IFT74: variants seen among roughly 807,000 people sequenced by gnomAD.
IFT74 encodes the protein intraflagellar transport protein 74 homolog.
IFT74 carries 92 observed loss-of-function variants against 96.7 expected under a neutral mutation model. That is an observed-to-expected ratio of 0.95 (90% confidence interval 0.80 to 1.13). The LOEUF (loss-of-function observed/expected upper bound fraction) is 1.13, where lower values mean the gene tolerates loss of function less well. IFT74 is among the 50% of genes most tolerant of loss of function. The pLI is 0.00. For synonymous variants in IFT74, 223 were observed against 213.2 expected (o/e 1.05, Z -0.40); for missense variants, 811 against 698.2 (o/e 1.16, Z -1.82).
rs1293730357 is a variant in IFT74 at position 27,065,226 on chromosome 9, A to G, written c.*2490A>G. Among the ~76,000 whole-genome samples, 1 of 152,170 alleles carries G rather than the reference A, an allele frequency of 6.6e-6. No homozygotes were observed. The highest frequency in any genetic ancestry group is 1.9e-4 in the East Asian group (1 of 5,196). On this transcript the variant is annotated 3_prime_UTR_variant, in exon 20 of 20. Transcript: ENST00000380062. The stretch of plus-strand genomic sequence containing the variant: ...TAATTGAGCAGGATTTCTTTAAATT[A>G]AAACATGTTTTATCTGAGGGAAATT...
intron 14 of IFT74, among the ~76,000 whole-genome samples, chr9:27,045,629 A>G (rs1034613446): frequency 2.0e-5 from 3 of 152,168 alleles, no homozygotes; most frequent in Admixed American, 2.0e-4. Flanking sequence ...CTATACATTT[A>G]TAATTTTTTT....
intron 12 of IFT74, among the ~76,000 whole-genome samples, chr9:27,025,495 A>C (rs55957927): frequency 0.029 from 4,427 of 151,764 alleles, 222 homozygotes; most frequent in African/African-American, 0.1. Flanking sequence ...AAAGATTACA[A>C]CTGGGAAATG....
At chr9:27,049,436 C>T (rs1472099471) in intron 16 of IFT74, among the ~76,000 whole-genome samples, 1 of 152,064 alleles carries the variant, frequency 6.6e-6, no homozygotes, top group Admixed American at 6.6e-5. Flanking sequence ...ATAGGGTCAT[C>T]CCAGGGATGC....
At chr9:26,997,803 A>T in intron 8 of IFT74, 1 of 1,614,122 alleles carries the variant, frequency 6.2e-7, no homozygotes, top group Non-Finnish European at 8.5e-7. Context: ...AGGTTTCCAT[A>T]TAAAGTTATT....
intron 13 of IFT74, among the ~76,000 whole-genome samples, chr9:27,042,741 T>G (rs1445091313): frequency 6.6e-6 from 1 of 152,178 alleles, no homozygotes; most frequent in Non-Finnish European, 1.5e-5. Context: ...AGAGTGGAAC[T>G]TAAATAGCCA....
intron 8 of IFT74, chr9:26,995,284 G>C (rs1390181780): frequency 1.1e-5 from 4 of 378,626 alleles, no homozygotes; most frequent in African/African-American, 8.0e-5. Context: ...GCACTGCTAA[G>C]AATAGTAGTG....
intron 2 of IFT74, among the ~76,000 whole-genome samples, chr9:26,976,296 G>T (rs116569620): frequency 1.3e-5 from 2 of 152,172 alleles, no homozygotes; most frequent in African/African-American, 4.8e-5. Context: ...GCTTGAAGTC[G>T]TAAAGAAAGA....
At chr9:26,951,263 TG>T (rs1344862570) in intron 1 of IFT74, among the ~76,000 whole-genome samples, 1 of 152,202 alleles carries the variant, frequency 6.6e-6, no homozygotes, top group Non-Finnish European at 1.5e-5. Flanking sequence ...GGAATGAAGT[TG>T]GGGTCAATAT....
chr9:27,024,728 A>C (rs1563983334), intron 12 of IFT74, among the ~76,000 whole-genome samples: 2 of 152,194 alleles, frequency 1.3e-5, no homozygotes, highest in African/African-American at 4.8e-5. Context: ...AGGAGCCAGC[A>C]GAGAAAGGTG....
intron 9 of IFT74, among the ~76,000 whole-genome samples, chr9:27,010,112 C>G (rs1314437682): frequency 1.3e-5 from 2 of 151,526 alleles, no homozygotes; most frequent in Non-Finnish European, 2.9e-5. Context: ...CTCAGCCTCC[C>G]AAGTAGTTGG....
chr9:27,057,564 A>C (rs1045048618), intron 18 of IFT74, among the ~76,000 whole-genome samples: 1 of 152,220 alleles, frequency 6.6e-6, no homozygotes, highest in Admixed American at 6.5e-5. Flanking sequence ...TGCATTAAAA[A>C]TTCCCTCTTT....
intron 13 of IFT74, among the ~76,000 whole-genome samples, chr9:27,033,890 T>A (rs139639093): frequency 2.0e-3 from 304 of 152,330 alleles, no homozygotes; most frequent in African/African-American, 7.1e-3. Flanking sequence ...GTGAAGGTGG[T>A]TCCTTACCAA....
chr9:26,951,633 T>C (rs1825938348), upstream of IFT74, among the ~76,000 whole-genome samples: 2 of 152,182 alleles, frequency 1.3e-5, no homozygotes, highest in Admixed American at 1.3e-4. Flanking sequence ...GCGCAATGGC[T>C]CACGCCTGTA....
chr9:27,056,408 A>G lies in IFT74; in HGVS notation c.1572A>G (p.Ile524Met). 3 of 1,603,340 alleles carry G rather than the reference A, an allele frequency of 1.9e-6. No individual in the cohort carries two copies. Among genetic ancestry groups the G allele is most frequent in the Non-Finnish European group, 1.7e-6 (2 of 1,174,456 alleles). The change falls in exon 18 of 20, where the codon ATA becomes ATG. Residue 524 changes from isoleucine (I) to methionine (M), a missense_variant. Transcript: ENST00000380062. ...AFKKIMEKQNIEYEALKTQLQ... is the reference protein window; with the variant it reads ...AFKKIMEKQNMEYEALKTQLQ... ...AGAAAATAATGGAGAAGCAAAACAT[A>G]GAGTATGAGGCACTAAAAACACAAT...
At chr9:27,052,762 C>G (rs1351731015) in intron 16 of IFT74, among the ~76,000 whole-genome samples, 2 of 152,152 alleles carry the variant, frequency 1.3e-5, no homozygotes, top group Non-Finnish European at 2.9e-5. Context: ...ACACCATCCC[C>G]CACCTCAAGA....
intron 1 of IFT74, among the ~76,000 whole-genome samples, chr9:26,948,448 A>ATTATTATTTTTTTTTTTTT (rs1825819541): frequency 1.9e-4 from 11 of 59,162 alleles, no homozygotes; most frequent in East Asian, 5.9e-4. Flanking sequence ...GCTTTCCATT[A>ATTATTATTTTTTTTTTTTT]TTTTTTTTTT....
intron 10 of IFT74, among the ~76,000 whole-genome samples, chr9:27,016,474 C>T (rs1829348524): frequency 6.6e-6 from 1 of 152,136 alleles, no homozygotes; most frequent in Non-Finnish European, 1.5e-5. Context: ...TGAGCAGACA[C>T]AATTCAACCC....
upstream of IFT74, among the ~76,000 whole-genome samples, chr9:26,953,198 C>T (rs768617743): frequency 4.6e-5 from 7 of 152,076 alleles, no homozygotes; most frequent in Non-Finnish European, 8.8e-5. Context: ...TTTTTTCCCC[C>T]TTCATCAAAT....
chr9:26,981,484 G>A (rs748145319), intron 4 of IFT74, among the ~76,000 whole-genome samples: 1 of 150,722 alleles, frequency 6.6e-6, no homozygotes, highest in African/African-American at 2.4e-5. Flanking sequence ...GCATGATCTC[G>A]GTTGACTGCA....
Sources: allele counts gnomAD v4.1 joint callset (sites outside exome capture counted in the v4.1 genomes callset), GRCh38; gene constraint gnomAD v4.1.1; transcripts MANE v1.5; gene names NCBI Gene and HGNC (gene_info 2026-07-23, HGNC 2026-07-21).